UNC5A: variants seen among roughly 807,000 people sequenced by gnomAD.
The protein encoded by UNC5A is unc-5 netrin receptor A.
In UNC5A, 20 loss-of-function variants were observed where a neutral mutation model predicts 87.4. The ratio of observed to expected loss-of-function variants is 0.23; its 90% confidence interval spans 0.16 to 0.33. The LOEUF is 0.33. UNC5A is among the 10% of genes least tolerant of loss of function. UNC5A has a pLI of 1.00. For missense variants in UNC5A, 844 were observed against 1,133.4 expected, an observed-to-expected ratio of 0.74 and a Z score of 3.67; for synonymous variants, 438 against 482.3, an observed-to-expected ratio of 0.91 and a Z score of 1.20.
At chr5:176,850,061 G>T (rs555598362) in intron 1 of UNC5A, among the ~76,000 whole-genome samples, 97 of 152,362 alleles carry the variant, frequency 6.4e-4, no homozygotes, top group African/African-American at 2.3e-3. Context: ...CCCTGCGTCA[G>T]CAGGATCATG....
At chr5:176,850,365 C>T (rs573333648) in intron 1 of UNC5A, among the ~76,000 whole-genome samples, 3 of 151,914 alleles carry the variant, frequency 2.0e-5, no homozygotes, top group African/African-American at 2.4e-5. Context: ...CTAGAAATAG[C>T]GAGGTTGAGG....
intron 1 of UNC5A, among the ~76,000 whole-genome samples, chr5:176,830,603 GGT>G (rs576368102): frequency 1.5e-5 from 2 of 131,878 alleles, no homozygotes; most frequent in Non-Finnish European, 3.2e-5. Context: ...TGTGCATGCT[GGT>G]GTGTGTGTGC....
Position 176,841,556 on chromosome 5 carries a change from G to A in UNC5A, c.71-21068G>A, listed in dbSNP as rs763673543. Among the ~76,000 whole-genome samples, 189 of 152,190 alleles carry A rather than the reference G, an allele frequency of 1.2e-3. No homozygotes were observed. Among genetic ancestry groups the A allele is most frequent in the Non-Finnish European group, 2.2e-3 (153 of 68,032 alleles). The stretch of plus-strand genomic sequence containing the variant: ...TGAGAATCTTGGTAGCACCTAATTC[G>A]TAACGTTGCTGTGAGGATGAAATGA... On this transcript the variant is annotated intron_variant, in intron 1 of 14. Transcript: ENST00000329542. The surrounding 1 kb of genome is among the most constrained non-coding windows in gnomAD (Gnocchi z 4.1).
rs1757271622 is a variant in UNC5A at position 176,841,314 on chromosome 5, A to G, written c.71-21310A>G. ...TGAGCCAGCCAGAGGTGAAGCGGGG[A>G]CTCAGACTCAGCTCCCAGCTTCCAG... On this transcript the variant is annotated intron_variant, in intron 1 of 14. Transcript: ENST00000329542. The surrounding 1 kb of genome is among the most constrained non-coding windows in gnomAD (Gnocchi z 4.1). Among the ~76,000 whole-genome samples the G allele has an allele frequency of 2.6e-5, 4 of 152,030 alleles. No homozygotes were observed. Among genetic ancestry groups the G allele is most frequent in the Admixed American group, 2.0e-4 (3 of 15,254 alleles).
At position 176,878,028 on chromosome 5, in the gene UNC5A, C is replaced by T; in HGVS notation, c.1770C>T (p.Ala590=). 1 of 1,608,480 alleles carries T rather than the reference C, an allele frequency of 6.2e-7. No homozygotes were observed. The highest frequency in any genetic ancestry group is 8.5e-7 in the Non-Finnish European group (1 of 1,179,942). Residue 590 remains alanine, a synonymous_variant, in exon 11 of 15, where the codon GCC becomes GCT. Transcript: ENST00000329542. ...GAGAGGCCCTCAGCGTGGCTGCCGC[C>T]AAGCGCCTCAAGCTGCTTCTGTTTG... is the stretch of plus-strand genomic sequence containing the variant. ...LVGEALSVAA[A]KRLKLLLFAP...
Position 176,880,002 on chromosome 5 carries a change from C to G in UNC5A, c.*116C>G. On this transcript the variant is annotated 3_prime_UTR_variant, in exon 15 of 15. Coordinates refer to ENST00000329542, the MANE Select transcript of UNC5A (RefSeq NM_133369.3). The stretch of plus-strand genomic sequence containing the variant: ...GGAGAGCTGCTCGGACAGGCCCCCT[C>G]CCGGCCGAAGCTGTCCCTTAATGCT... 1 of 1,359,708 alleles carries G rather than the reference C, an allele frequency of 7.4e-7. No individual in the cohort carries two copies. The highest frequency in any genetic ancestry group is 1.5e-5 in the South Asian group (1 of 67,936). The allele number at this position is 1,359,708 out of a possible 1,614,324, so 84.2% of individuals were successfully genotyped here.
At chr5:176,853,421 G>C (rs985588006) in intron 1 of UNC5A, among the ~76,000 whole-genome samples, 3 of 152,180 alleles carry the variant, frequency 2.0e-5, no homozygotes, top group Non-Finnish European at 4.4e-5. Flanking sequence ...CCCCCGCCCT[G>C]CCCCTTTGTT....
In UNC5A at chr5:176,866,844, C is replaced by T. The variant is rs1023849989; in HGVS notation, c.293-1286C>T. On this transcript the variant is annotated intron_variant, in intron 2 of 14. Transcript: ENST00000329542. The surrounding 1 kb of genome is among the most constrained non-coding windows in gnomAD (Gnocchi z 5.0). ...AGAACGGGGCAGGTGGTGCCCAGAA[C>T]GGAGGGAAGCGGCCCAGCTACCATG... 2.6e-5 allele frequency among the ~76,000 whole-genome samples: 4 copies of T among 152,064 alleles called. No homozygotes were observed. Among genetic ancestry groups the T allele is most frequent in the South Asian group, 2.1e-4 (1 of 4,824 alleles).
In UNC5A at chr5:176,879,299, C is replaced by A; in HGVS notation, c.2185-11C>A. ...AGTTCTAACAGGCACCTCTTTCCCT[C>A]CCACCTCCAGGACACAAGGTTTGCT... On this transcript the variant is annotated splice_polypyrimidine_tract_variant and intron_variant, in intron 13 of 14. Coordinates refer to ENST00000329542, the MANE Select transcript of UNC5A (RefSeq NM_133369.3). The A allele has an allele frequency of 6.3e-7, 1 of 1,577,262 alleles. No homozygotes were observed. Among genetic ancestry groups the A allele is most frequent in the Admixed American group, 1.8e-5 (1 of 54,150 alleles).
intron 1 of UNC5A, among the ~76,000 whole-genome samples, chr5:176,812,243 T>C (rs1360249609): frequency 1.3e-5 from 2 of 152,218 alleles, no homozygotes; most frequent in Non-Finnish European, 2.9e-5. Flanking sequence ...GGGTGCAGGT[T>C]GCACTGTTGT....
At chr5:176,840,827 C>G (rs552647166) in intron 1 of UNC5A, among the ~76,000 whole-genome samples, 4 of 152,238 alleles carry the variant, frequency 2.6e-5, no homozygotes, top group Non-Finnish European at 1.5e-5. Flanking sequence ...CATGAGCCCA[C>G]GCTGACAGCC....
intron 1 of UNC5A, among the ~76,000 whole-genome samples, chr5:176,817,743 G>A (rs1756628873): frequency 6.6e-6 from 1 of 152,150 alleles, no homozygotes; most frequent in Non-Finnish European, 1.5e-5. Context: ...GTGGAGCGCG[G>A]GTGCCCGAGC....
chr5:176,868,061 C>A, intron 2 of UNC5A, 69 bp from the exon 3 acceptor site: 1 of 1,494,744 alleles, frequency 6.7e-7, no homozygotes, highest in South Asian at 1.2e-5. Flanking sequence ...CTGAGGGTGG[C>A]GCAGGAACCC....
intron 1 of UNC5A, among the ~76,000 whole-genome samples, chr5:176,812,167 G>A (rs1011073541): frequency 6.6e-6 from 1 of 152,150 alleles, no homozygotes; most frequent in African/African-American, 2.4e-5. Flanking sequence ...CTGCTGTTGG[G>A]TGTGTGTCCG....
At chr5:176,857,280 G>A (rs1757690640) in intron 1 of UNC5A, among the ~76,000 whole-genome samples, 1 of 152,238 alleles carries the variant, frequency 6.6e-6, no homozygotes, top group Non-Finnish European at 1.5e-5. Context: ...CCGGTGCCCG[G>A]AACAGTTCCT....
chr5:176,857,427 C>T (rs986209595), intron 1 of UNC5A, among the ~76,000 whole-genome samples: 1 of 152,158 alleles, frequency 6.6e-6, no homozygotes, highest in East Asian at 1.9e-4. Flanking sequence ...TGCCACCGGC[C>T]CCGGGGACTC....
At chr5:176,817,577 T>TCCCCCCCCCCCCCCC (rs1756623227) in intron 1 of UNC5A, among the ~76,000 whole-genome samples, 3 of 59,190 alleles carry the variant, frequency 5.1e-5, no homozygotes, top group African/African-American at 1.2e-4. Context: ...ACCCCGCCCC[T>TCCCCCCCCCCCCCCC]CCCCACCCCC....
In UNC5A at chr5:176,848,653, T is replaced by G. The variant is rs1425333252; in HGVS notation, c.71-13971T>G. ...GGCCCAGGCTCCTTCCCGCCCAAAT[T>G]TGGAATAGGAAGGCTGGTGTCTCAG... On this transcript the variant is annotated intron_variant, in intron 1 of 14. Transcript: ENST00000329542. This position sits in a 1 kb window ranked among gnomAD's most constrained non-coding sequence, Gnocchi z 5.8. 6.6e-6 allele frequency among the ~76,000 whole-genome samples: 1 copy of G among 151,788 alleles called. No homozygotes were observed. Among genetic ancestry groups the G allele is most frequent in the East Asian group, 1.9e-4 (1 of 5,162 alleles).
In UNC5A at chr5:176,866,056, C is replaced by T. The variant is rs1163843149; in HGVS notation, c.293-2074C>T. ...CCGAAGTGCCAGCTTGGCCTCAGAG[C>T]CCCAGCTAGAAACCCTGGGCAGCCC... On this transcript the variant is annotated intron_variant, in intron 2 of 14. Coordinates refer to ENST00000329542, the MANE Select transcript of UNC5A (RefSeq NM_133369.3). The surrounding 1 kb of genome is among the most constrained non-coding windows in gnomAD (Gnocchi z 5.0). Among the ~76,000 whole-genome samples the T allele has an allele frequency of 1.3e-5, 2 of 152,196 alleles. No homozygotes were observed. Among genetic ancestry groups the T allele is most frequent in the Non-Finnish European group, 2.9e-5 (2 of 68,024 alleles).
Sources: allele counts gnomAD v4.1 joint callset (sites outside exome capture counted in the v4.1 genomes callset), GRCh38; gene constraint gnomAD v4.1.1; non-coding constraint Gnocchi (gnomAD v3.1); transcripts MANE v1.5; gene names NCBI Gene and HGNC (gene_info 2026-07-23, HGNC 2026-07-21).